HROB: variants seen among roughly 807,000 people sequenced by gnomAD.
The protein encoded by HROB is homologous recombination factor with OB-fold.
In HROB, 44 loss-of-function variants were observed where a neutral mutation model predicts 61.0. That is an observed-to-expected ratio of 0.72 (90% CI 0.57 to 0.93). The LOEUF (loss-of-function observed/expected upper bound fraction) is 0.93. HROB is among the 40% of genes least tolerant of loss of function. The pLI is 0.00. For missense variants in HROB, 716 were observed against 796.2 expected (o/e 0.90, Z 1.21); for synonymous variants, 301 against 310.4 (o/e 0.97, Z 0.32).
intron 8 of HROB, among the ~76,000 whole-genome samples, chr17:44,155,897 A>G (rs961302395): frequency 6.6e-6 from 1 of 152,184 alleles, no homozygotes; most frequent in Non-Finnish European, 1.5e-5. Context: ...CTCTTTAGGA[A>G]CCGAGACGAG....
chr17:44,142,421 ACCGCTTGGGT>A (rs915814567), intron 1 of HROB, among the ~76,000 whole-genome samples: 2 of 146,466 alleles, frequency 1.4e-5, no homozygotes, highest in Non-Finnish European at 3.0e-5. Context: ...AGACGTCACT[ACCGCTTGGGT>A]CCATCCCTTT....
intron 8 of HROB, among the ~76,000 whole-genome samples, chr17:44,157,250 T>C (rs2053996302): frequency 6.6e-6 from 1 of 152,200 alleles, no homozygotes; most frequent in African/African-American, 2.4e-5. Context: ...CTCTAAAATA[T>C]TAGATACCAA....
intron 1 of HROB, among the ~76,000 whole-genome samples, chr17:44,144,069 C>G (rs1268732700): frequency 6.6e-6 from 1 of 151,902 alleles, no homozygotes; most frequent in Non-Finnish European, 1.5e-5. Flanking sequence ...CCTCTACCTC[C>G]CGGGTTCAAG....
At chr17:44,160,429 C>T (rs2144129907) in intron 9 of HROB, among the ~76,000 whole-genome samples, 1 of 152,140 alleles carries the variant, frequency 6.6e-6, no homozygotes, top group South Asian at 2.1e-4. Flanking sequence ...ATTAGCCAGG[C>T]GTGGTGGCGG....
At position 44,148,893 on chromosome 17, in the gene HROB, C is replaced by CA; in HGVS notation, c.1091dup (p.Thr365AspfsTer68). On this transcript the variant is annotated frameshift_variant, in exon 3 of 10. Coordinates refer to ENST00000585683, the MANE Select transcript of HROB (RefSeq NM_001171251.3). LOFTEE classifies it high-confidence loss of function. ...CCCAAAAGGTCCCCAGGGAGCTCTGCAGACACCCATAGTCACCAACCACCT... is the reference window on the plus strand; with the variant it reads ...CCCAAAAGGTCCCCAGGGAGCTCTGCAAGACACCCATAGTCACCAACCACCT... The CA allele has an allele frequency of 6.2e-7, 1 of 1,614,174 alleles. No homozygotes were observed. Among genetic ancestry groups the CA allele is most frequent in the South Asian group, 1.1e-5 (1 of 91,076 alleles).
At chr17:44,160,874 G>A (rs1014985023) in intron 9 of HROB, among the ~76,000 whole-genome samples, 2 of 152,194 alleles carry the variant, frequency 1.3e-5, no homozygotes, top group Non-Finnish European at 2.9e-5. Flanking sequence ...TCACCAGAAG[G>A]TTGCTGGTAG....
In HROB at chr17:44,148,240, A is replaced by C. The variant is rs746565971; in HGVS notation, c.437A>C (p.Gln146Pro). 2.5e-6 allele frequency: 4 copies of C among 1,614,198 alleles called. No individual in the cohort carries two copies. The South Asian group carries it at 4.4e-5, about 18-fold the overall frequency. The change falls in exon 3 of 10, where the codon CAA becomes CCA. Residue 146 changes from glutamine (Q) to proline (P), a missense_variant. Coordinates refer to ENST00000585683, the MANE Select transcript of HROB (RefSeq NM_001171251.3). ...PLLTFESQQQ[Q>P]VGGFEGPEQD... is the part of the protein sequence containing the mutation. ...CTCACCTTTGAGAGCCAACAGCAGCAAGTTGGTGGCTTTGAGGGGCCTGAA... is the reference window on the plus strand; with the variant it reads ...CTCACCTTTGAGAGCCAACAGCAGCCAGTTGGTGGCTTTGAGGGGCCTGAA...
In HROB at chr17:44,150,827, G is replaced by A. The variant is rs555720805; in HGVS notation, c.1225-134G>A. The A allele has an allele frequency of 1.2e-5, 9 of 726,226 alleles. No homozygotes were observed. In the South Asian group the frequency reaches 1.6e-4, roughly 13 times the overall value. The allele number at this position is 726,226 out of a possible 1,614,324, so 45.0% of individuals were successfully genotyped here. A position where few individuals can be genotyped will look rare whatever the true frequency, so the allele number is the denominator to read the frequency against. On this transcript the variant is annotated intron_variant, in intron 3 of 9. Coordinates refer to ENST00000585683, the MANE Select transcript of HROB (RefSeq NM_001171251.3). Reference sequence around the variant, plus strand: ...CTGCCAAAGAGGCTCCTGAGACTTTGTTAGGAGAGATGTAATATGTGTTAA... The same window carrying A: ...CTGCCAAAGAGGCTCCTGAGACTTTATTAGGAGAGATGTAATATGTGTTAA...
chr17:44,149,005 C>T lies in HROB; in HGVS notation c.1202C>T (p.Pro401Leu). ...GCCAAAACTCGCCGTTTCCCTGGCC[C>T]AGCTGGGATCCTGCCTCACCAGGTG... Reference protein sequence around the residue: ...TRAKTRRFPGPAGILPHQQSG... With the variant: ...TRAKTRRFPGLAGILPHQQSG... The change falls in exon 3 of 10, where the codon CCA (proline) becomes CTA (leucine). Residue 401 changes from proline to leucine, a missense_variant. Physicochemically the swap from Pro to Leu is moderately conservative, Grantham distance 98 (BLOSUM62 -3). Coordinates refer to ENST00000585683, the MANE Select transcript of HROB (RefSeq NM_001171251.3). 1 of 1,613,830 alleles carries T rather than the reference C, an allele frequency of 6.2e-7. No homozygotes were observed. Among genetic ancestry groups the T allele is most frequent in the Non-Finnish European group, 8.5e-7 (1 of 1,179,834 alleles).
chr17:44,156,514 G>A (rs1056107232), intron 8 of HROB, among the ~76,000 whole-genome samples: 8 of 151,980 alleles, frequency 5.3e-5, no homozygotes, highest in African/African-American at 1.7e-4. Context: ...ATGAGCCACC[G>A]TGCTCGGCCT....
chr17:44,150,678 G>A (rs866456592), intron 3 of HROB, among the ~76,000 whole-genome samples: 9 of 151,984 alleles, frequency 5.9e-5, no homozygotes, highest in African/African-American at 1.9e-4. Flanking sequence ...GGTGTGAGCC[G>A]CCACGCCCAG....
chr17:44,144,382 G>GC (rs1229184709), intron 1 of HROB, among the ~76,000 whole-genome samples: 1 of 151,640 alleles, frequency 6.6e-6, no homozygotes, highest in Non-Finnish European at 1.5e-5. Flanking sequence ...CTTGTGATCC[G>GC]CCCCCACCTC....
chr17:44,147,563 G>A (rs751060573), intron 2 of HROB, among the ~76,000 whole-genome samples: 7 of 150,278 alleles, frequency 4.7e-5, no homozygotes, highest in Non-Finnish European at 8.9e-5. Flanking sequence ...TCAGCCTCCC[G>A]AGTAGCTGGA....
chr17:44,148,813 GGATACC>G lies in HROB; in HGVS notation c.1011_1016del (p.Ile338_Pro339del). 2 of 1,614,150 alleles carry G rather than the reference GGATACC, an allele frequency of 1.2e-6. No homozygotes were observed. The highest frequency in any genetic ancestry group is 1.7e-6 in the Non-Finnish European group (2 of 1,180,026). The stretch of plus-strand genomic sequence containing the variant: ...AGGACTAGCTCTGGATTATTTCCTC[GGATACC>G]CTTACAACCGCAAGCTCCAGTGTCT... On this transcript the variant is annotated inframe_deletion, in exon 3 of 10. Coordinates refer to ENST00000585683, the MANE Select transcript of HROB (RefSeq NM_001171251.3).
chr17:44,143,481 A>C (rs2053519853), intron 1 of HROB, among the ~76,000 whole-genome samples: 1 of 151,980 alleles, frequency 6.6e-6, no homozygotes, highest in Admixed American at 6.6e-5. Flanking sequence ...GTCTCAACTA[A>C]AAATACAAAA....
Position 44,147,941 on chromosome 17 carries a change from T to C in HROB, c.138T>C (p.Ser46=), listed in dbSNP as rs1422766626. 2 of 1,614,162 alleles carry C rather than the reference T, an allele frequency of 1.2e-6. No homozygotes were observed. The highest frequency in any genetic ancestry group is 1.1e-5 in the South Asian group (1 of 91,088). ...ATGCTGGGCGCCTGAGACCTGTCTC[T>C]TCTAGGCCACAGGAGACTGTGCAGG... ...PVNAGRLRPV[S]SRPQETVQAQ... The change falls in exon 3 of 10, where the codon TCT becomes TCC. Residue 46 remains serine, a synonymous_variant. Transcript: ENST00000585683.
intron 2 of HROB, 128 bp downstream of exon 2, chr17:44,145,381 GGTGCTGAGAA>G (rs1475609134): frequency 1.1e-5 from 13 of 1,144,002 alleles, no homozygotes; most frequent in Middle Eastern, 2.0e-4. Flanking sequence ...TTGCCTGTGA[GGTGCTGAGAA>G]GTGATGAGAA....
chr17:44,142,066 C>G lies in HROB; in HGVS notation c.-77C>G, dbSNP rs2053458154. 1.3e-6 allele frequency: 2 copies of G among 1,515,266 alleles called. No homozygotes were observed. The highest frequency in any genetic ancestry group is 1.8e-6 in the Non-Finnish European group (2 of 1,130,480). The allele number at this position is 1,515,266 out of a possible 1,614,324, so 93.9% of individuals were successfully genotyped here. The stretch of plus-strand genomic sequence containing the variant: ...CGGAGTCCGAGACTTCCACCTGGGT[C>G]GTGTCCAAGGCCCCGGCGACTCCCC... On this transcript the variant is annotated 5_prime_UTR_variant, in exon 1 of 10. Transcript: ENST00000585683.
intron 9 of HROB, 84 bp from the exon 10 acceptor site, chr17:44,161,787 T>C (rs757933499): frequency 4.0e-5 from 59 of 1,484,540 alleles, no homozygotes; most frequent in Non-Finnish European, 5.5e-5. Context: ...GTCCAGGCCC[T>C]CCTGAAGGGC....
Sources: allele counts gnomAD v4.1 joint callset (sites outside exome capture counted in the v4.1 genomes callset), GRCh38; gene constraint gnomAD v4.1.1; transcripts MANE v1.5; gene names NCBI Gene and HGNC (gene_info 2026-07-23, HGNC 2026-07-21).